Variants in RALGAPA1 observed in about 807,000 individuals in gnomAD.
RALGAPA1 encodes ral GTPase-activating protein subunit alpha-1.
Under a neutral mutation model 269.6 loss-of-function variants are expected in RALGAPA1, and 52 were observed. The ratio of observed to expected loss-of-function variants is 0.19; its 90% confidence interval spans 0.15 to 0.24. The LOEUF (loss-of-function observed/expected upper bound fraction) is 0.24, where lower values mean the gene tolerates loss of function less well. Among genes scored for constraint, RALGAPA1 ranks in the 10% least tolerant of loss-of-function variants. RALGAPA1 has a pLI of 1.00. For missense variants in RALGAPA1, 1,917 were observed against 3,013.9 expected, an observed-to-expected ratio of 0.64 and a Z score of 8.52; for synonymous variants, 817 against 1,008.3, an observed-to-expected ratio of 0.81 and a Z score of 3.60.
At chr14:35,656,264 T>A (rs2063169451) in intron 28 of RALGAPA1, among the ~76,000 whole-genome samples, 1 of 152,176 alleles carries the variant, frequency 6.6e-6, no homozygotes, top group Non-Finnish European at 1.5e-5. Context: ...TATTGACTGA[T>A]AACAGCAAAA....
At chr14:35,721,870 T>C (rs2069447267) in intron 15 of RALGAPA1, 21 bp from the exon 16 acceptor site, 2 of 1,601,028 alleles carry the variant, frequency 1.2e-6, no homozygotes, top group African/African-American at 1.3e-5. Context: ...AGATTTTCAA[T>C]CTCAATATAC....
At position 35,689,764 on chromosome 14, in the gene RALGAPA1, T is replaced by C. The variant is rs759537642; in HGVS notation, c.2647A>G (p.Ile883Val). 441 of 1,504,466 alleles carry C rather than the reference T, an allele frequency of 2.9e-4. No homozygotes were observed. The highest frequency in any genetic ancestry group is 3.6e-4 in the Non-Finnish European group (410 of 1,134,236). The allele number at this position is 1,504,466 out of a possible 1,614,324, so 93.2% of individuals were successfully genotyped here. A position where few individuals can be genotyped will look rare whatever the true frequency, so the allele number is the denominator to read the frequency against. The change falls in exon 18 of 42, where the codon ATA becomes GTA. Residue 883 changes from isoleucine (I) to valine (V), a missense_variant. By Grantham distance (29) the Ile-to-Val change is conservative. Coordinates refer to ENST00000680220, the MANE Select transcript of RALGAPA1 (RefSeq NM_001346249.2). ...ATGTGGCTTTCAGTGGATCTAGTTA[T>C]TGAAGAAGCCTCTGTGGAACTCTGC... ...SLQSSTEASSITRSTESHITD... is the reference protein window; with the variant it reads ...SLQSSTEASSVTRSTESHITD...
At chr14:35,710,475 C>G (rs2068226240) in intron 16 of RALGAPA1, among the ~76,000 whole-genome samples, 1 of 152,304 alleles carries the variant, frequency 6.6e-6, no homozygotes, top group South Asian at 2.1e-4. Flanking sequence ...CCAGGCTGGT[C>G]TCAAACTCCT....
At chr14:35,769,051 T>TATAC (rs1555434128) in intron 4 of RALGAPA1, among the ~76,000 whole-genome samples, 1 of 108,306 alleles carries the variant, frequency 9.2e-6, no homozygotes, top group African/African-American at 3.9e-5. Flanking sequence ...TATATATATA[T>TATAC]ATATATATAT....
At chr14:35,637,440 T>C (rs1786634791) in intron 31 of RALGAPA1, among the ~76,000 whole-genome samples, 1 of 152,130 alleles carries the variant, frequency 6.6e-6, no homozygotes, top group Admixed American at 6.5e-5. Flanking sequence ...GAAGAATGCA[T>C]CAGAGTTCTT....
At chr14:35,631,982 G>A (rs1190065983) in intron 33 of RALGAPA1, among the ~76,000 whole-genome samples, 3 of 152,144 alleles carry the variant, frequency 2.0e-5, no homozygotes, top group Admixed American at 6.5e-5. Flanking sequence ...CAATGAGAAT[G>A]CAGTTTAAAT....
At chr14:35,766,838 C>T (rs371676882) in intron 4 of RALGAPA1, 1 of 474,212 alleles carries the variant, frequency 2.1e-6, no homozygotes, top group East Asian at 5.5e-5. Context: ...CAAAGAAGAC[C>T]ACAGAACAGG....
At position 35,688,440 on chromosome 14, in the gene RALGAPA1, G is replaced by A. The variant is rs1376412179; in HGVS notation, c.3952+19C>T. The A allele has an allele frequency of 1.3e-6, 2 of 1,536,064 alleles. No homozygotes were observed. The highest frequency in any genetic ancestry group is 1.7e-6 in the Non-Finnish European group (2 of 1,146,856). On this transcript the variant is annotated intron_variant, in intron 18 of 41. Coordinates refer to ENST00000680220, the MANE Select transcript of RALGAPA1 (RefSeq NM_001346249.2). The stretch of plus-strand genomic sequence containing the variant: ...TGCTGTCTTTCTCCTTTTGCGCTCT[G>A]CACACTGTTAGTGCTCACCTGCAGC...
Position 35,625,405 on chromosome 14 carries a change from AT to A in RALGAPA1, c.6884del (p.Asn2295MetfsTer51). ...TCCTAAGTTCTCTAAGTAGCTTTTCATTTTTCTTCAGGAGATGAAAGCTCCT... is the reference window on the plus strand; with the variant it reads ...TCCTAAGTTCTCTAAGTAGCTTTTCATTTTCTTCAGGAGATGAAAGCTCCT... The part of the protein sequence containing the change: ...KRRSFHLLKK[N>X]EKLLRELRNL... On this transcript the variant is annotated frameshift_variant, in exon 35 of 42. Coordinates refer to ENST00000680220, the MANE Select transcript of RALGAPA1 (RefSeq NM_001346249.2). LOFTEE classifies it high-confidence loss of function. 2 of 1,610,782 alleles carry A rather than the reference AT, an allele frequency of 1.2e-6. No individual in the cohort carries two copies. Among genetic ancestry groups the A allele is most frequent in the South Asian group, 1.1e-5 (1 of 90,344 alleles).
intron 37 of RALGAPA1, among the ~76,000 whole-genome samples, chr14:35,593,500 C>T (rs2058753006): frequency 6.6e-6 from 1 of 151,940 alleles, no homozygotes. Context: ...TATGGAACCA[C>T]AAAAAACCCT....
chr14:35,762,150 T>A (rs984007286), intron 5 of RALGAPA1, among the ~76,000 whole-genome samples: 3 of 152,224 alleles, frequency 2.0e-5, no homozygotes, highest in African/African-American at 7.2e-5. Flanking sequence ...AGAGGAAAGA[T>A]TGCTGGTGAA....
At chr14:35,607,110 A>T (rs1203405485) in intron 35 of RALGAPA1, among the ~76,000 whole-genome samples, 1 of 152,228 alleles carries the variant, frequency 6.6e-6, no homozygotes, top group East Asian at 1.9e-4. Context: ...TTAAAACATT[A>T]TTTAAAGTCC....
intron 27 of RALGAPA1, among the ~76,000 whole-genome samples, chr14:35,664,342 A>C (rs564716971): frequency 6.6e-6 from 1 of 152,344 alleles, no homozygotes; most frequent in East Asian, 1.9e-4. Context: ...GAAGCTTTAC[A>C]TTAGTAGCAT....
rs1250761967 is a variant in RALGAPA1, at chr14:35,557,100, G to GTA, written c.7497-7867_7497-7866insTA. Among the ~76,000 whole-genome samples, 718 of 66,950 alleles carry GTA rather than the reference G, an allele frequency of 0.011. 3 individuals are homozygous for GTA. In the African/African-American group the frequency reaches 0.12, roughly 11 times the overall value. 43.9% of individuals were successfully genotyped at this position (66,950 alleles called of 152,430 possible). On this transcript the variant is annotated intron_variant, in intron 39 of 41. Coordinates refer to ENST00000680220, the MANE Select transcript of RALGAPA1 (RefSeq NM_001346249.2). Reference sequence around the variant, plus strand: ...ACTAATATGATTATCCAATATGTATGTGTGTGTGTGTGTGTGTGTGTGTGT... The same window carrying GTA: ...ACTAATATGATTATCCAATATGTATGTATGTGTGTGTGTGTGTGTGTGTGTGT...
At chr14:35,700,906 T>C (rs1393865357) in intron 16 of RALGAPA1, among the ~76,000 whole-genome samples, 1 of 152,190 alleles carries the variant, frequency 6.6e-6, no homozygotes, top group Non-Finnish European at 1.5e-5. Context: ...GTATCTTTTA[T>C]AATAAAGTAT....
intron 37 of RALGAPA1, among the ~76,000 whole-genome samples, chr14:35,593,119 A>C (rs1041324723): frequency 4.6e-5 from 7 of 152,216 alleles, no homozygotes; most frequent in African/African-American, 1.7e-4. Flanking sequence ...GATTCCACAA[A>C]AACAGTGTTA....
At chr14:35,595,438 C>T (rs962108949) in intron 37 of RALGAPA1, among the ~76,000 whole-genome samples, 196 bp downstream of exon 37, 1 of 151,990 alleles carries the variant, frequency 6.6e-6, no homozygotes, top group Non-Finnish European at 1.5e-5. Flanking sequence ...AGACTGCAAC[C>T]TTTAACCATA....
intron 17 of RALGAPA1, among the ~76,000 whole-genome samples, chr14:35,693,645 G>C (rs1414854299): frequency 6.6e-6 from 1 of 151,890 alleles, no homozygotes; most frequent in Non-Finnish European, 1.5e-5. Context: ...TAAAGCATTA[G>C]AAACCACTTA....
chr14:35,570,545 T>C, intron 39 of RALGAPA1, 72 bp downstream of exon 39: 8 of 1,226,956 alleles, frequency 6.5e-6, no homozygotes, highest in Non-Finnish European at 8.8e-6. Context: ...GCTTTAACAA[T>C]ATATAAGAAA....
Sources: gnomAD v4.1 joint callset for allele counts (sites outside exome capture counted in the v4.1 genomes callset) on GRCh38, gnomAD v4.1.1 for gene constraint, MANE v1.5 for transcripts, NCBI Gene and HGNC (gene_info 2026-07-23, HGNC 2026-07-21) for gene names.